ARHGAP39: variants seen among roughly 807,000 people sequenced by gnomAD.
ARHGAP39 encodes the protein rho GTPase-activating protein 39.
A neutral mutation model predicts 106.9 loss-of-function variants in ARHGAP39; 44 were observed. The ratio of observed to expected loss-of-function variants is 0.41; its 90% CI spans 0.32 to 0.53. ARHGAP39 has a LOEUF of 0.53. Ranked by LOEUF, ARHGAP39 falls within the 20% of genes least tolerant of loss-of-function variation. The pLI, the probability that ARHGAP39 is intolerant of heterozygous loss-of-function variation, is 0.21. For missense variants in ARHGAP39, 1,496 were observed against 1,577.3 expected, an observed-to-expected ratio of 0.95 and a Z score of 0.87; for synonymous variants, 768 against 693.2, an observed-to-expected ratio of 1.11 and a Z score of -1.69.
the ARHGAP39 span, among the ~76,000 whole-genome samples, chr8:144,697,527 CT>C: frequency 4.7e-5 from 7 of 149,948 alleles, no homozygotes; most frequent in Admixed American, 3.3e-4. Context: ...TTTTCTTTTT[CT>C]TTTTTTTTGA....
At chr8:144,658,337 C>A (rs141871094) in intron 1 of ARHGAP39, among the ~76,000 whole-genome samples, 1 of 151,354 alleles carries the variant, frequency 6.6e-6, no homozygotes, top group Non-Finnish European at 1.5e-5. Context: ...TGCAATGGTG[C>A]GATCTTGGCT....
At chr8:144,651,994 T>A (rs1030647733) in intron 1 of ARHGAP39, among the ~76,000 whole-genome samples, 1 of 151,976 alleles carries the variant, frequency 6.6e-6, no homozygotes, top group African/African-American at 2.4e-5. Flanking sequence ...GGCAATACCA[T>A]CCTAGACACA....
chr8:144,617,301 C>A lies in ARHGAP39; in HGVS notation c.-81-11606G>T, dbSNP rs1469997827. Among the ~76,000 whole-genome samples the A allele has an allele frequency of 5.3e-5, 8 of 151,512 alleles. No individual in the cohort carries two copies. The East Asian group carries it at 1.5e-3, about 29-fold the overall frequency. On this transcript the variant is annotated intron_variant, in intron 1 of 11. Coordinates refer to ENST00000377307, the MANE Select transcript of ARHGAP39 (RefSeq NM_025251.3). ...GATGGTACGAGGGCCTGGCACCTCA[C>A]GTCTCAAAGGGCTTCTCACCTGTCA...
chr8:144,561,033 T>C (rs1818122968), intron 3 of ARHGAP39, among the ~76,000 whole-genome samples: 1 of 152,284 alleles, frequency 6.6e-6, no homozygotes, highest in African/African-American at 2.4e-5. Context: ...CGAGAGATGA[T>C]AAACTTGCTT....
intron 3 of ARHGAP39, among the ~76,000 whole-genome samples, chr8:144,572,085 C>G (rs1818606893): frequency 6.6e-6 from 1 of 152,196 alleles, no homozygotes; most frequent in Non-Finnish European, 1.5e-5. Flanking sequence ...AATGCCCCAT[C>G]AAGCTACCAA....
In ARHGAP39 at chr8:144,644,873, C is replaced by T. The variant is rs1821403923; in HGVS notation, c.-81-39178G>A. Among the ~76,000 whole-genome samples the T allele has an allele frequency of 6.6e-6, 1 of 152,248 alleles. No individual in the cohort carries two copies. Among genetic ancestry groups the T allele is most frequent in the Non-Finnish European group, 1.5e-5 (1 of 68,044 alleles). On this transcript the variant is annotated intron_variant, in intron 1 of 11. Transcript: ENST00000377307. This position sits in a 1 kb window ranked among gnomAD's most constrained non-coding sequence, Gnocchi z 4.8. ...GCCCCTTCCTCAGGAGCTGTGCTGC[C>T]TCCTCAGAACTCAATTTCATCTCAT...
At chr8:144,610,585 G>A (rs966430787) in intron 1 of ARHGAP39, among the ~76,000 whole-genome samples, 4 of 151,942 alleles carry the variant, frequency 2.6e-5, no homozygotes, top group Non-Finnish European at 4.4e-5. Context: ...GGTGGCGGGC[G>A]CCTGTAGTCC....
chr8:144,656,531 G>A (rs915692174), intron 1 of ARHGAP39, among the ~76,000 whole-genome samples: 5 of 151,980 alleles, frequency 3.3e-5, no homozygotes, highest in South Asian at 2.1e-4. Flanking sequence ...GGCCAGGCAC[G>A]GTGATTCACA....
intron 1 of ARHGAP39, among the ~76,000 whole-genome samples, chr8:144,626,925 G>A (rs1820933089): frequency 6.6e-6 from 1 of 152,234 alleles, no homozygotes; most frequent in Non-Finnish European, 1.5e-5. Context: ...GCCCCCACAA[G>A]ACATCCCTGA....
At chr8:144,659,283 T>C (rs1251015058) in intron 1 of ARHGAP39, among the ~76,000 whole-genome samples, 2 of 152,114 alleles carry the variant, frequency 1.3e-5, no homozygotes, top group Admixed American at 6.5e-5. Flanking sequence ...TAACCACACA[T>C]TCACACCCTG....
chr8:144,553,501 C>G (rs1564844341), intron 4 of ARHGAP39, among the ~76,000 whole-genome samples: 1 of 152,250 alleles, frequency 6.6e-6, no homozygotes, highest in Non-Finnish European at 1.5e-5. Flanking sequence ...CCTGCTCCAC[C>G]TTCCCAGCTA....
intron 1 of ARHGAP39, among the ~76,000 whole-genome samples, chr8:144,667,642 AGT>A (rs1821997234): frequency 6.6e-6 from 1 of 152,216 alleles, no homozygotes; most frequent in Non-Finnish European, 1.5e-5. Flanking sequence ...CAGGAGAAGA[AGT>A]GTGACTGTGG....
the ARHGAP39 span, among the ~76,000 whole-genome samples, chr8:144,699,413 G>A: frequency 1.7e-5 from 2 of 119,854 alleles, no homozygotes; most frequent in Admixed American, 8.3e-5. Flanking sequence ...CTGTGGGTGG[G>A]GCAATGTGGA....
Position 144,679,664 on chromosome 8 carries a change from C to T in ARHGAP39, c.-82+6022G>A, listed in dbSNP as rs1007535815. Reference sequence around the variant, plus strand: ...CATCCCCTGCTCACAAAGCTGCCTGCGGTGGCTCCCGGTTAGCTAGAAAAT... The same window carrying T: ...CATCCCCTGCTCACAAAGCTGCCTGTGGTGGCTCCCGGTTAGCTAGAAAAT... On this transcript the variant is annotated intron_variant, in intron 1 of 11. Coordinates refer to ENST00000377307, the MANE Select transcript of ARHGAP39 (RefSeq NM_025251.3). The surrounding 1 kb of genome is among the most constrained non-coding windows in gnomAD (Gnocchi z 4.7). 2.6e-5 allele frequency among the ~76,000 whole-genome samples: 4 copies of T among 152,196 alleles called. No individual in the cohort carries two copies. The highest frequency in any genetic ancestry group is 7.2e-5 in the African/African-American group (3 of 41,452).
chr8:144,537,362 C>A (rs1481294843), intron 7 of ARHGAP39, among the ~76,000 whole-genome samples: 1 of 151,964 alleles, frequency 6.6e-6, no homozygotes, highest in Non-Finnish European at 1.5e-5. Flanking sequence ...GTCTGCAGGG[C>A]ACCACACACC....
intron 1 of ARHGAP39, among the ~76,000 whole-genome samples, chr8:144,680,329 G>A (rs536684854): frequency 2.0e-5 from 3 of 152,282 alleles, no homozygotes; most frequent in South Asian, 2.1e-4. Flanking sequence ...TTTGCGGGCC[G>A]CACAGCCTCT....
chr8:144,601,634 G>A, intron 2 of ARHGAP39, among the ~76,000 whole-genome samples: 1 of 143,814 alleles, frequency 7.0e-6, no homozygotes, highest in African/African-American at 2.6e-5. Context: ...AGGCGTGCAT[G>A]TGTGCTCGTG....
At chr8:144,657,443 G>C (rs981057927) in intron 1 of ARHGAP39, among the ~76,000 whole-genome samples, 1 of 152,176 alleles carries the variant, frequency 6.6e-6, no homozygotes, top group South Asian at 2.1e-4. Context: ...CTGGGCAACA[G>C]AGTGAGACCC....
At chr8:144,632,136 C>G (rs949483344) in intron 1 of ARHGAP39, among the ~76,000 whole-genome samples, 2 of 152,236 alleles carry the variant, frequency 1.3e-5, no homozygotes, top group African/African-American at 4.8e-5. Context: ...CCATGCAAGT[C>G]ACATCCTGGT....
Sources: allele counts gnomAD v4.1 joint callset (sites outside exome capture counted in the v4.1 genomes callset), GRCh38; gene constraint gnomAD v4.1.1; non-coding constraint Gnocchi (gnomAD v3.1); transcripts MANE v1.5; gene names NCBI Gene and HGNC (gene_info 2026-07-23, HGNC 2026-07-21).